The following BLTP3B variants were observed in gnomAD, a reference collection of about 807,000 sequenced individuals.
BLTP3B encodes the protein UHRF1 (ICBP90) binding protein 1-like.
chr12:100,046,027 T>C, the BLTP3B span, among the ~76,000 whole-genome samples: 6 of 152,178 alleles, frequency 3.9e-5, no homozygotes, highest in South Asian at 1.0e-3. Flanking sequence ...CACAATGAGA[T>C]ACCATCTCAC....
the BLTP3B span, among the ~76,000 whole-genome samples, chr12:100,123,618 A>C: frequency 2.0e-5 from 3 of 152,218 alleles, no homozygotes; most frequent in Non-Finnish European, 1.5e-5. Context: ...ACCCATTGCA[A>C]GTCTGGGCCT....
At chr12:100,060,078 T>C in the BLTP3B span, 24 of 1,507,788 alleles carry the variant, frequency 1.6e-5, no homozygotes, top group South Asian at 2.9e-4. Context: ...AAATTTTTAA[T>C]TGGATGGTTC....
the BLTP3B span, among the ~76,000 whole-genome samples, chr12:100,079,874 G>A: frequency 6.6e-6 from 1 of 152,340 alleles, no homozygotes; most frequent in African/African-American, 2.4e-5. Context: ...AGCTGCTCCA[G>A]CCATGGATGA....
At chr12:100,107,986 C>T in the BLTP3B span, among the ~76,000 whole-genome samples, 1 of 152,254 alleles carries the variant, frequency 6.6e-6, no homozygotes, top group Admixed American at 6.5e-5. Flanking sequence ...AAGCAATCCG[C>T]CTACCTCGGC....
chr12:100,109,429 T>C, the BLTP3B span, among the ~76,000 whole-genome samples: 6 of 151,908 alleles, frequency 3.9e-5, no homozygotes, highest in African/African-American at 4.8e-5. Context: ...TTATTGTACG[T>C]TTTAAAGTAA....
the BLTP3B span, chr12:100,058,893 C>T: frequency 6.2e-7 from 1 of 1,613,810 alleles, no homozygotes; most frequent in Non-Finnish European, 8.5e-7. Flanking sequence ...AGGGGAAAAT[C>T]TGAAAAATGT....
At chr12:100,069,441 TAC>T in the BLTP3B span, among the ~76,000 whole-genome samples, 1 of 152,058 alleles carries the variant, frequency 6.6e-6, no homozygotes, top group African/African-American at 2.4e-5. Flanking sequence ...TGTATGTATA[TAC>T]ATACATATAT....
the BLTP3B span, among the ~76,000 whole-genome samples, chr12:100,046,327 A>G: frequency 8.7e-4 from 132 of 152,196 alleles, 7 homozygotes; most frequent in Admixed American, 1.3e-4. Context: ...GAACCAACCC[A>G]AATGTCCATT....
chr12:100,117,044 G>T, the BLTP3B span, among the ~76,000 whole-genome samples: 1 of 152,054 alleles, frequency 6.6e-6, no homozygotes, highest in Non-Finnish European at 1.5e-5. Flanking sequence ...CAAAAATACA[G>T]AAGTCTACAC....
chr12:100,064,179 A>G, the BLTP3B span, among the ~76,000 whole-genome samples: 1 of 152,304 alleles, frequency 6.6e-6, no homozygotes, highest in South Asian at 2.1e-4. Context: ...CAAGTAGAGG[A>G]AACAAATTCA....
the BLTP3B span, among the ~76,000 whole-genome samples, chr12:100,049,242 A>G: frequency 6.6e-6 from 1 of 152,196 alleles, no homozygotes; most frequent in Admixed American, 6.5e-5. Flanking sequence ...CAACTCATAT[A>G]ACCTTTAAGA....
chr12:100,104,324 C>T, the BLTP3B span, among the ~76,000 whole-genome samples: 1 of 151,116 alleles, frequency 6.6e-6, no homozygotes, highest in Non-Finnish European at 1.5e-5. Context: ...CGTGCCTCAG[C>T]CTCCCAGTAG....
the BLTP3B span, among the ~76,000 whole-genome samples, chr12:100,045,168 T>TA: frequency 1.3e-5 from 2 of 152,164 alleles, no homozygotes; most frequent in African/African-American, 4.8e-5. Flanking sequence ...AAAATGGCCA[T>TA]ACTGCCCAAG....
chr12:100,124,109 T>C, the BLTP3B span, among the ~76,000 whole-genome samples: 1 of 151,482 alleles, frequency 6.6e-6, no homozygotes, highest in Non-Finnish European at 1.5e-5. Context: ...TACGAGAATT[T>C]TTTTTTTTTT....
At chr12:100,069,679 T>C in the BLTP3B span, among the ~76,000 whole-genome samples, 18 of 151,720 alleles carry the variant, frequency 1.2e-4, no homozygotes, top group Non-Finnish European at 2.2e-4. Flanking sequence ...AGCATAAGAA[T>C]GATACAATGG....
At chr12:100,057,848 GA>G in the BLTP3B span, 2 of 1,315,066 alleles carry the variant, frequency 1.5e-6, no homozygotes, top group Non-Finnish European at 2.1e-6. Flanking sequence ...ATCCATAGCT[GA>G]AATTATATTT....
At chr12:100,141,342 T>C in the BLTP3B span, among the ~76,000 whole-genome samples, 1 of 151,826 alleles carries the variant, frequency 6.6e-6, no homozygotes, top group African/African-American at 2.4e-5. Flanking sequence ...TATATACACA[T>C]ATATATGTGT....
At chr12:100,079,702 C>T in the BLTP3B span, among the ~76,000 whole-genome samples, 2 of 152,136 alleles carry the variant, frequency 1.3e-5, no homozygotes, top group African/African-American at 4.8e-5. Flanking sequence ...AATGTTAATC[C>T]CCAAGACAAT....
the BLTP3B span, among the ~76,000 whole-genome samples, chr12:100,038,596 A>G: frequency 2.0e-5 from 3 of 152,168 alleles, no homozygotes; most frequent in African/African-American, 7.2e-5. Flanking sequence ...TTGGCCTCCC[A>G]AAGTGCTGGG....
Sources: allele counts gnomAD v4.1 joint callset (sites outside exome capture counted in the v4.1 genomes callset), GRCh38; gene constraint gnomAD v4.1.1; transcripts MANE v1.5; gene names NCBI Gene and HGNC (gene_info 2026-07-23, HGNC 2026-07-21).